ASIC2: variants seen among roughly 807,000 people sequenced by gnomAD.
ASIC2 encodes acid-sensing ion channel 2.
A neutral mutation model predicts 57.3 loss-of-function variants in ASIC2; 25 were observed. The observed-to-expected ratio is 0.44, with a 90% CI of 0.32 to 0.61. ASIC2 has a LOEUF of 0.61. ASIC2 is among the 20% of genes least tolerant of loss of function. The pLI is 0.06. For synonymous variants in ASIC2, 319 were observed against 307.5 expected (o/e 1.04, Z -0.39); for missense variants, 641 against 738.1 (o/e 0.87, Z 1.52).
intron 1 of ASIC2, among the ~76,000 whole-genome samples, chr17:33,365,383 G>T (rs187999768): frequency 3.3e-5 from 5 of 149,290 alleles, no homozygotes; most frequent in Non-Finnish European, 7.4e-5. Flanking sequence ...ACTGGGTCTT[G>T]TTTTTTTTTT....
chr17:33,498,282 G>A (rs547437246), intron 1 of ASIC2, among the ~76,000 whole-genome samples: 42 of 152,324 alleles, frequency 2.8e-4, no homozygotes, highest in East Asian at 1.4e-3. Context: ...TTGTGATTCC[G>A]AGGCAACTCA....
intron 1 of ASIC2, among the ~76,000 whole-genome samples, chr17:33,288,312 C>T (rs773429376): frequency 2.0e-5 from 3 of 152,062 alleles, no homozygotes; most frequent in Non-Finnish European, 4.4e-5. Flanking sequence ...AGGCAGGTGT[C>T]CCCCAGGCAG....
intron 2 of ASIC2, among the ~76,000 whole-genome samples, chr17:33,092,448 G>A (rs899838713): frequency 6.6e-6 from 1 of 152,248 alleles, no homozygotes; most frequent in African/African-American, 2.4e-5. Context: ...CACTTTGGAG[G>A]TTCCCAAGCT....
intron 1 of ASIC2, among the ~76,000 whole-genome samples, chr17:34,042,302 C>T (rs1272061849): frequency 6.6e-6 from 1 of 152,060 alleles, no homozygotes; most frequent in African/African-American, 2.4e-5. Flanking sequence ...TGTGTAATAA[C>T]CCACAACTGG....
chr17:33,396,430 G>T (rs774719087), intron 1 of ASIC2, among the ~76,000 whole-genome samples: 7 of 152,158 alleles, frequency 4.6e-5, no homozygotes, highest in African/African-American at 1.4e-4. Context: ...TTATAAGAAC[G>T]CATGAAATGA....
At chr17:33,620,620 A>AGAT (rs1324489037) in intron 1 of ASIC2, among the ~76,000 whole-genome samples, 2 of 152,152 alleles carry the variant, frequency 1.3e-5, no homozygotes, top group Non-Finnish European at 2.9e-5. Context: ...TTCTGTAGAG[A>AGAT]GATTGATTTT....
chr17:33,365,123 C>A (rs1961164140), intron 1 of ASIC2, among the ~76,000 whole-genome samples: 1 of 152,176 alleles, frequency 6.6e-6, no homozygotes. Context: ...CCTAAACATG[C>A]TTGGATGTCT....
At chr17:33,962,510 C>T (rs543123031) in intron 1 of ASIC2, among the ~76,000 whole-genome samples, 1 of 152,302 alleles carries the variant, frequency 6.6e-6, no homozygotes, top group South Asian at 2.1e-4. Flanking sequence ...TATTCTAATG[C>T]CTTGTAAACT....
chr17:33,246,103 T>A (rs116387036), intron 1 of ASIC2, among the ~76,000 whole-genome samples: 196 of 151,292 alleles, frequency 1.3e-3, no homozygotes, highest in African/African-American at 4.7e-3. Context: ...TTAGAAATGC[T>A]GGTTTGGAGG....
chr17:34,122,340 G>A (rs569763813), intron 1 of ASIC2, among the ~76,000 whole-genome samples: 1 of 152,188 alleles, frequency 6.6e-6, no homozygotes, highest in Admixed American at 6.5e-5. Flanking sequence ...AGCCCAGGCA[G>A]CCGACTCCAC....
At chr17:33,667,755 G>A (rs112540830) in intron 1 of ASIC2, among the ~76,000 whole-genome samples, 19 of 152,322 alleles carry the variant, frequency 1.2e-4, no homozygotes, top group African/African-American at 4.6e-4. Flanking sequence ...TCAGCTGAAA[G>A]CAAGGGTTCA....
chr17:33,822,640 G>T (rs1437783996), intron 1 of ASIC2, among the ~76,000 whole-genome samples: 2 of 152,166 alleles, frequency 1.3e-5, no homozygotes, highest in African/African-American at 2.4e-5. Context: ...CAATAACTAT[G>T]TTTATTCTTG....
At chr17:34,050,053 T>C (rs562248465) in intron 1 of ASIC2, among the ~76,000 whole-genome samples, 1 of 152,170 alleles carries the variant, frequency 6.6e-6, no homozygotes, top group East Asian at 1.9e-4. Context: ...TAAGCAAAGA[T>C]ACTGGAATGA....
At chr17:33,382,019 G>T (rs1232258529) in intron 1 of ASIC2, among the ~76,000 whole-genome samples, 2 of 152,102 alleles carry the variant, frequency 1.3e-5, no homozygotes, top group African/African-American at 4.8e-5. Context: ...GTTCTTTGTT[G>T]TAGGACCCCA....
Position 33,272,128 on chromosome 17 carries a change from A to T in ASIC2, c.708+19280T>A, listed in dbSNP as rs189556207. 9.3e-3 allele frequency among the ~76,000 whole-genome samples: 1,415 copies of T among 152,300 alleles called. 26 individuals carry two copies. The highest frequency in any genetic ancestry group is 0.032 in the African/African-American group (1,349 of 41,558). On this transcript the variant is annotated intron_variant, in intron 1 of 9. Transcript: ENST00000225823. ...ATCTTGGCTCAAATGCCACCTGTTC[A>T]TGCAGGGCTTCCTGACTACATGAGC...
rs1597953890 is a variant in ASIC2, at chr17:33,967,822, T to C, written c.555+188156A>G. 3.3e-5 allele frequency among the ~76,000 whole-genome samples: 5 copies of C among 152,274 alleles called. No individual in the cohort carries two copies. In the South Asian group the frequency reaches 1.0e-3, roughly 32 times the overall value. ...CACACCCCTGTGAGTAGACAAGATG[T>C]GACAAGATGTGTAGTTGCACAGGGC... is the stretch of plus-strand genomic sequence containing the variant. On this transcript the variant is annotated intron_variant, in intron 1 of 9. Transcript: ENST00000359872.
intron 1 of ASIC2, among the ~76,000 whole-genome samples, chr17:33,163,259 T>C (rs1905212883): frequency 6.6e-6 from 1 of 152,136 alleles, no homozygotes; most frequent in Non-Finnish European, 1.5e-5. Flanking sequence ...AGCATGACCT[T>C]CTAGGTGGAG....
intron 1 of ASIC2, among the ~76,000 whole-genome samples, chr17:33,132,402 C>T (rs993902609): frequency 3.9e-5 from 6 of 152,018 alleles, no homozygotes; most frequent in African/African-American, 1.5e-4. Flanking sequence ...TGAGTAGGTC[C>T]CCAAGGGTCC....
chr17:33,031,861 A>G (rs2091885070), intron 3 of ASIC2, among the ~76,000 whole-genome samples: 1 of 152,168 alleles, frequency 6.6e-6, no homozygotes, highest in African/African-American at 2.4e-5. Flanking sequence ...ATCTCATACA[A>G]TGTCCTTGTT....
Sources: gnomAD v4.1 joint callset for allele counts (sites outside exome capture counted in the v4.1 genomes callset) on GRCh38, gnomAD v4.1.1 for gene constraint, MANE v1.5 for transcripts, NCBI Gene and HGNC (gene_info 2026-07-23, HGNC 2026-07-21) for gene names.